THSD7B: variants seen among roughly 807,000 people sequenced by gnomAD.
THSD7B encodes the protein thrombospondin type 1 domain containing 7B.
In THSD7B, 138 loss-of-function variants were observed where a neutral mutation model predicts 213.6. That is an observed-to-expected ratio of 0.65 (90% confidence interval 0.56 to 0.74). THSD7B has a LOEUF of 0.74. THSD7B is among the 30% of genes least tolerant of loss of function. THSD7B has a pLI of 0.00. For missense variants in THSD7B, 1,931 were observed against 1,991.5 expected (o/e 0.97, Z 0.58); for synonymous variants, 742 against 687.0 (o/e 1.08, Z -1.25).
At chr2:137,439,002 A>G (rs1281144185) in intron 14 of THSD7B, among the ~76,000 whole-genome samples, 1 of 152,036 alleles carries the variant, frequency 6.6e-6, no homozygotes, top group African/African-American at 2.4e-5. Context: ...GAAGGCAAAA[A>G]TTAGAGGTAT....
At chr2:137,583,762 T>C (rs566544589) in intron 17 of THSD7B, among the ~76,000 whole-genome samples, 10 of 152,342 alleles carry the variant, frequency 6.6e-5, no homozygotes, top group Middle Eastern at 3.4e-3. Flanking sequence ...TAGTTTGAAG[T>C]CAGGTAACGT....
chr2:137,248,496 G>A (rs1490941773), intron 10 of THSD7B, among the ~76,000 whole-genome samples: 1 of 152,180 alleles, frequency 6.6e-6, no homozygotes, highest in East Asian at 1.9e-4. Flanking sequence ...AAATGAAACT[G>A]TGGCATTAAC....
At chr2:136,975,781 T>C (rs1347099460) in intron 2 of THSD7B, among the ~76,000 whole-genome samples, 3 of 152,236 alleles carry the variant, frequency 2.0e-5, no homozygotes, top group African/African-American at 7.2e-5. Flanking sequence ...TTGGGCAGTA[T>C]GGCCATTTTT....
chr2:136,982,955 A>C (rs777854210), intron 2 of THSD7B, among the ~76,000 whole-genome samples: 1 of 152,270 alleles, frequency 6.6e-6, no homozygotes, highest in East Asian at 1.9e-4. Context: ...TGGAATTCCA[A>C]GATACCTCTT....
intron 17 of THSD7B, among the ~76,000 whole-genome samples, chr2:137,592,779 A>G (rs13420169): frequency 6.6e-6 from 1 of 151,798 alleles, no homozygotes; most frequent in African/African-American, 2.4e-5. Context: ...TTTACTTCTT[A>G]TATTTCTGAA....
chr2:137,181,653 G>T (rs1043909190), intron 7 of THSD7B, among the ~76,000 whole-genome samples: 4 of 152,082 alleles, frequency 2.6e-5, no homozygotes, highest in African/African-American at 9.7e-5. Flanking sequence ...GTAGCTCTGT[G>T]GACCATCTGC....
intron 14 of THSD7B, among the ~76,000 whole-genome samples, chr2:137,415,647 A>G (rs1217240357): frequency 1.5e-5 from 2 of 133,472 alleles, no homozygotes; most frequent in East Asian, 4.5e-4. Flanking sequence ...ACTTCCAACC[A>G]TGTTTCTTAT....
intron 2 of THSD7B, among the ~76,000 whole-genome samples, chr2:136,883,640 G>T (rs1180518426): frequency 6.6e-6 from 1 of 152,088 alleles, no homozygotes; most frequent in Admixed American, 6.5e-5. Context: ...ATGGAAAGTG[G>T]CAAATTTGAA....
intron 15 of THSD7B, chr2:137,452,020 A>G (rs1229900513): frequency 1.1e-6 from 1 of 938,490 alleles, no homozygotes. Flanking sequence ...TCTTAATTAT[A>G]ATAGCATGTT....
At chr2:136,989,239 C>G (rs995166748) in intron 2 of THSD7B, among the ~76,000 whole-genome samples, 1 of 151,970 alleles carries the variant, frequency 6.6e-6, no homozygotes, top group African/African-American at 2.4e-5. Context: ...GATATTTTGT[C>G]CCCTTCAAAT....
chr2:137,413,853 G>A (rs1686729525), intron 14 of THSD7B, among the ~76,000 whole-genome samples: 1 of 152,166 alleles, frequency 6.6e-6, no homozygotes, highest in African/African-American at 2.4e-5. Flanking sequence ...AAAGGGGGAA[G>A]GAAGCTGCTG....
chr2:137,618,888 A>G (rs1682460725), intron 19 of THSD7B, among the ~76,000 whole-genome samples: 1 of 152,232 alleles, frequency 6.6e-6, no homozygotes, highest in South Asian at 2.1e-4. Context: ...TGCATAGAAG[A>G]CGAACATGGA....
intron 27 of THSD7B, among the ~76,000 whole-genome samples, 198 bp downstream of exon 27, chr2:137,668,059 T>C (rs570405719): frequency 1.5e-4 from 23 of 152,296 alleles, no homozygotes; most frequent in African/African-American, 5.5e-4. Context: ...TTAAATTTGG[T>C]ATTTGAATAA....
At chr2:137,126,750 G>A (rs1297115539) in intron 5 of THSD7B, among the ~76,000 whole-genome samples, 1 of 152,162 alleles carries the variant, frequency 6.6e-6, no homozygotes, top group East Asian at 1.9e-4. Flanking sequence ...CTTTCAACAA[G>A]CCTTCCTTTC....
Position 137,024,670 on chromosome 2 carries a change from C to G in THSD7B, c.140-31750C>G, listed in dbSNP as rs1558891100. Reference sequence around the variant, plus strand: ...TTGATATTTAATACATAGCCCATGCCAGGTACTCTGATAAAAGTGTACACA... The same window carrying G: ...TTGATATTTAATACATAGCCCATGCGAGGTACTCTGATAAAAGTGTACACA... On this transcript the variant is annotated intron_variant, in intron 2 of 27. Coordinates refer to ENST00000409968, the MANE Select transcript of THSD7B (RefSeq NM_001316349.2). Among the ~76,000 whole-genome samples the G allele has an allele frequency of 2.0e-5, 3 of 151,958 alleles. No individual in the cohort carries two copies. In the South Asian group the frequency reaches 6.2e-4, roughly 31 times the overall value.
intron 12 of THSD7B, among the ~76,000 whole-genome samples, chr2:137,297,812 T>G (rs1333278453): frequency 6.6e-6 from 1 of 152,112 alleles, no homozygotes; most frequent in Non-Finnish European, 1.5e-5. Flanking sequence ...GTAAGAAGTG[T>G]TTTTAGCCTT....
chr2:136,842,929 C>T (rs1682940137), intron 1 of THSD7B, among the ~76,000 whole-genome samples: 1 of 152,186 alleles, frequency 6.6e-6, no homozygotes, highest in Non-Finnish European at 1.5e-5. Context: ...CTTTCATGTA[C>T]TTTAATTGTT....
At chr2:137,222,039 A>G (rs1454965366) in intron 7 of THSD7B, among the ~76,000 whole-genome samples, 1 of 152,242 alleles carries the variant, frequency 6.6e-6, no homozygotes, top group African/African-American at 2.4e-5. Flanking sequence ...CAAAATTAGG[A>G]TGAGTAAGAG....
chr2:136,998,149 A>T (rs1467594612), intron 2 of THSD7B, among the ~76,000 whole-genome samples: 1 of 151,290 alleles, frequency 6.6e-6, no homozygotes, highest in African/African-American at 2.4e-5. Flanking sequence ...TACTCTTAGG[A>T]TGCCATTCTG....
Sources: gnomAD v4.1 joint callset for allele counts (sites outside exome capture counted in the v4.1 genomes callset) on GRCh38, gnomAD v4.1.1 for gene constraint, MANE v1.5 for transcripts, NCBI Gene and HGNC (gene_info 2026-07-23, HGNC 2026-07-21) for gene names.